The following RPTOR variants were observed in gnomAD, a reference collection of about 807,000 sequenced individuals.
RPTOR encodes the protein regulatory associated protein of MTOR complex 1.
In RPTOR, 21 loss-of-function variants were observed where a neutral mutation model predicts 169.9. The ratio of observed to expected loss-of-function variants is 0.12; its 90% CI spans 0.09 to 0.18. The LOEUF (loss-of-function observed/expected upper bound fraction) is 0.18. Ranked by LOEUF, RPTOR falls within the 10% of genes least tolerant of loss-of-function variation. The pLI is 1.00. For synonymous variants in RPTOR, 732 were observed against 753.2 expected (o/e 0.97, Z 0.46); for missense variants, 1,133 against 1,855.9 (o/e 0.61, Z 7.16).
rs2067370578 is a variant in RPTOR, at chr17:80,820,701, G to T, written c.891-1500G>T. Among the ~76,000 whole-genome samples the T allele has an allele frequency of 6.6e-6, 1 of 152,180 alleles. No homozygotes were observed. Among genetic ancestry groups the T allele is most frequent in the African/African-American group, 2.4e-5 (1 of 41,436 alleles). ...AGTGGACATGCTTGTTCTGAAGCGA[G>T]AGCAGACTGGGGAGAAGGAGGAGGG... On this transcript the variant is annotated intron_variant, in intron 7 of 33. Transcript: ENST00000306801. This position sits in a 1 kb window ranked among gnomAD's most constrained non-coding sequence, Gnocchi z 4.1.
chr17:80,955,252 G>A (rs2069233682), intron 28 of RPTOR, among the ~76,000 whole-genome samples: 1 of 152,250 alleles, frequency 6.6e-6, no homozygotes, highest in African/African-American at 2.4e-5. Context: ...AGGGCAGCCA[G>A]GCCAAGAGGC....
intron 1 of RPTOR, among the ~76,000 whole-genome samples, chr17:80,585,166 T>TTTATTATTATTA (rs150653828): frequency 1.4e-5 from 2 of 141,618 alleles, no homozygotes; most frequent in African/African-American, 5.2e-5. Flanking sequence ...AGTGCTTTGG[T>TTTATTATTATTA]TTATTATTAT....
At chr17:80,638,483 C>T (rs1221413510) in intron 2 of RPTOR, among the ~76,000 whole-genome samples, 1 of 144,256 alleles carries the variant, frequency 6.9e-6, no homozygotes, top group African/African-American at 2.6e-5. Context: ...CTCACTGTAG[C>T]CTCTACCTCC....
In RPTOR at chr17:80,920,192, G is replaced by A. The variant is rs777043360; in HGVS notation, c.2521-2532G>A. On this transcript the variant is annotated intron_variant, in intron 21 of 33. Transcript: ENST00000306801. ...CGTACCCTGTCCTCACACCGACACC[G>A]CAGGCAGGCAGGTCTGCCAGGTCAC... Among the ~76,000 whole-genome samples the A allele has an allele frequency of 2.4e-4, 36 of 152,346 alleles. No individual in the cohort carries two copies. The East Asian group carries it at 6.8e-3, about 29-fold the overall frequency.
chr17:80,603,554 G>A (rs575642734), intron 1 of RPTOR, among the ~76,000 whole-genome samples: 3 of 152,280 alleles, frequency 2.0e-5, no homozygotes, highest in South Asian at 2.1e-4. Flanking sequence ...CTGCTTCCAG[G>A]ATTTACTGGG....
At chr17:80,723,116 G>A (rs753588214) in intron 4 of RPTOR, among the ~76,000 whole-genome samples, 12 of 151,342 alleles carry the variant, frequency 7.9e-5, no homozygotes, top group Non-Finnish European at 1.8e-4. Flanking sequence ...GTTTGGGGGT[G>A]CGTGGTGTGT....
At chr17:80,588,889 A>C (rs2065083183) in intron 1 of RPTOR, among the ~76,000 whole-genome samples, 1 of 152,170 alleles carries the variant, frequency 6.6e-6, no homozygotes, top group African/African-American at 2.4e-5. Context: ...GTCTCTCTTG[A>C]TAAACAGAAA....
At position 80,947,720 on chromosome 17, in the gene RPTOR, G is replaced by A. The variant is rs2069120237; in HGVS notation, c.3265+369G>A. Reference sequence around the variant, plus strand: ...TGCCCCAAGCCACAACACGTGCCAGGTCCTCCCCGGCCAGGGTCTCCTGGC... The same window carrying A: ...TGCCCCAAGCCACAACACGTGCCAGATCCTCCCCGGCCAGGGTCTCCTGGC... On this transcript the variant is annotated intron_variant, in intron 27 of 33. Coordinates refer to ENST00000306801, the MANE Select transcript of RPTOR (RefSeq NM_020761.3). The surrounding 1 kb of genome is among the most constrained non-coding windows in gnomAD (Gnocchi z 4.4). Among the ~76,000 whole-genome samples, 1 of 152,072 alleles carries A rather than the reference G, an allele frequency of 6.6e-6. No homozygotes were observed. The highest frequency in any genetic ancestry group is 1.5e-5 in the Non-Finnish European group (1 of 68,020).
chr17:80,685,628 T>TATATATATATATATATATATA lies in RPTOR; in HGVS notation c.349-22213_349-22212insATATATATATATATATATATA, dbSNP rs1491347361. Among the ~76,000 whole-genome samples the TATATATATATATATATATATA allele has an allele frequency of 8.4e-4, 19 of 22,678 alleles. 1 individual carries two copies. The highest frequency in any genetic ancestry group is 1.2e-3 in the Non-Finnish European group (16 of 12,850). The allele number at this position is 22,678 out of a possible 152,430, so 14.9% of individuals were successfully genotyped here. A position where few individuals can be genotyped will look rare whatever the true frequency, so the allele number is the denominator to read the frequency against. Reference sequence around the variant, plus strand: ...ATATATATATATATATATATATATATTTTTTTTTTTTTTTTTTTTTTTTTT... The same window carrying TATATATATATATATATATATA: ...ATATATATATATATATATATATATATATATATATATATATATATATATTTTTTTTTTTTTTTTTTTTTTTTT... On this transcript the variant is annotated intron_variant, in intron 3 of 33. Coordinates refer to ENST00000306801, the MANE Select transcript of RPTOR (RefSeq NM_020761.3).
intron 20 of RPTOR, among the ~76,000 whole-genome samples, chr17:80,904,171 C>T (rs886971131): frequency 6.6e-6 from 1 of 152,188 alleles, no homozygotes; most frequent in East Asian, 1.9e-4. Flanking sequence ...GGCTGGTCAG[C>T]GTGATTCTCG....
chr17:80,782,098 T>C (rs931737800), intron 6 of RPTOR, among the ~76,000 whole-genome samples: 1 of 152,208 alleles, frequency 6.6e-6, no homozygotes, highest in Non-Finnish European at 1.5e-5. Flanking sequence ...CGCTGGCCTG[T>C]GTTTCACATA....
At position 80,889,139 on chromosome 17, in the gene RPTOR, T is replaced by C. The variant is rs552556929; in HGVS notation, c.1984-2581T>C. Among the ~76,000 whole-genome samples the C allele has an allele frequency of 7.2e-5, 11 of 152,296 alleles. No homozygotes were observed. In the South Asian group the frequency reaches 2.3e-3, roughly 32 times the overall value. ...CAGGAGGGAAGAGGCACCAGCACTT[T>C]GAATGCGGAGCTCACAGCACTTGCT... is the stretch of plus-strand genomic sequence containing the variant. On this transcript the variant is annotated intron_variant, in intron 17 of 33. Transcript: ENST00000306801.
rs1249740484 is a variant in RPTOR at position 80,609,019 on chromosome 17, A to T, written c.163-16672A>T. ...ATGACAAGAAGAAGTCAGAGTGGGC[A>T]GGAGGCACTAGGCCAGGAGAGGAGA... On this transcript the variant is annotated intron_variant, in intron 1 of 33. Coordinates refer to ENST00000306801, the MANE Select transcript of RPTOR (RefSeq NM_020761.3). The surrounding 1 kb of genome is among the most constrained non-coding windows in gnomAD (Gnocchi z 4.8). Among the ~76,000 whole-genome samples, 1 of 152,194 alleles carries T rather than the reference A, an allele frequency of 6.6e-6. No individual in the cohort carries two copies.
chr17:80,893,580 G>T, intron 19 of RPTOR, 127 bp from the exon 20 acceptor site: 2 of 1,210,144 alleles, frequency 1.7e-6, no homozygotes, highest in African/African-American at 1.5e-5. Flanking sequence ...GTGTACCAGG[G>T]TGTGTTTGTG....
chr17:80,555,714 T>C (rs1280404651), intron 1 of RPTOR, among the ~76,000 whole-genome samples: 2 of 152,250 alleles, frequency 1.3e-5, no homozygotes, highest in East Asian at 3.8e-4. Context: ...TTGAACTGCA[T>C]TTATGAAAGA....
chr17:80,955,840 C>T (rs965713379), intron 28 of RPTOR, among the ~76,000 whole-genome samples: 5 of 152,152 alleles, frequency 3.3e-5, no homozygotes, highest in East Asian at 1.9e-4. Flanking sequence ...CCGTTCTAGG[C>T]GCTTCCTTCT....
In RPTOR at chr17:80,844,481, C is replaced by G. The variant is rs1032155954; in HGVS notation, c.1213-1992C>G. On this transcript the variant is annotated intron_variant, in intron 10 of 33. Transcript: ENST00000306801. The surrounding 1 kb of genome is among the most constrained non-coding windows in gnomAD (Gnocchi z 4.7). ...CTAACTCAGGAGAATTACGTTCTCG[C>G]GGGATGTGGAGGAGGGGGTACTTAA... 1.3e-5 allele frequency among the ~76,000 whole-genome samples: 2 copies of G among 152,106 alleles called. No individual in the cohort carries two copies. The highest frequency in any genetic ancestry group is 1.3e-4 in the Admixed American group (2 of 15,274).
intron 6 of RPTOR, among the ~76,000 whole-genome samples, chr17:80,759,998 C>T (rs992381239): frequency 1.3e-5 from 2 of 152,168 alleles, no homozygotes; most frequent in African/African-American, 4.8e-5. Flanking sequence ...CTAGAGTTCC[C>T]TGCCCTAGAT....
intron 6 of RPTOR, among the ~76,000 whole-genome samples, chr17:80,756,031 A>G (rs1277911107): frequency 6.6e-6 from 1 of 152,264 alleles, no homozygotes; most frequent in Non-Finnish European, 1.5e-5. Flanking sequence ...AGACACCTGT[A>G]ACAAGATGTG....
Sources: gnomAD v4.1 joint callset for allele counts (sites outside exome capture counted in the v4.1 genomes callset) on GRCh38, gnomAD v4.1.1 for gene constraint, Gnocchi (gnomAD v3.1) non-coding constraint, MANE v1.5 for transcripts, NCBI Gene and HGNC (gene_info 2026-07-23, HGNC 2026-07-21) for gene names.